TESK2: variants seen among roughly 807,000 people sequenced by gnomAD.
TESK2 encodes testis associated actin remodelling kinase 2.
In TESK2, 39 loss-of-function variants were observed where a neutral mutation model predicts 57.1. The observed-to-expected ratio is 0.68, with a 90% CI of 0.53 to 0.89. The LOEUF (loss-of-function observed/expected upper bound fraction) is 0.89, where lower values mean the gene tolerates loss of function less well. Among genes scored for constraint, TESK2 ranks in the 40% least tolerant of loss-of-function variants. The pLI is 0.00. For synonymous variants in TESK2, 249 were observed against 267.9 expected, an observed-to-expected ratio of 0.93 and a Z score of 0.69; for missense variants, 646 against 732.1, an observed-to-expected ratio of 0.88 and a Z score of 1.36.
At chr1:45,411,314 T>G (rs1295928677) in intron 3 of TESK2, among the ~76,000 whole-genome samples, 2 of 152,060 alleles carry the variant, frequency 1.3e-5, no homozygotes, top group East Asian at 3.9e-4. Flanking sequence ...GGAAGACAAT[T>G]TTTCCACAGA....
At chr1:45,435,562 ATTTTTTTTTTTTTT>A (rs750074178) in intron 2 of TESK2, among the ~76,000 whole-genome samples, 1 of 68,888 alleles carries the variant, frequency 1.5e-5, no homozygotes, top group Non-Finnish European at 2.7e-5. Flanking sequence ...CTGTGGTCTA[ATTTTTTTTTTTTTT>A]TTTTTTTTTT....
intron 3 of TESK2, among the ~76,000 whole-genome samples, chr1:45,391,390 T>A (rs894566069): frequency 2.0e-5 from 3 of 151,992 alleles, no homozygotes; most frequent in African/African-American, 4.8e-5. Flanking sequence ...GCAAATTTTT[T>A]AATTTTTTAA....
Position 45,345,870 on chromosome 1 carries a change from C to T in TESK2, c.997+7G>A, listed in dbSNP as rs1201709654. ...GTTAGGTTGGGCTCCCTGGTCTAAT[C>T]TCTTACCCCTGGCTGTGGGCTGCAG... On this transcript the variant is annotated splice_region_variant and intron_variant, in intron 10 of 10. Coordinates refer to ENST00000372086, the MANE Select transcript of TESK2 (RefSeq NM_007170.3). The T allele has an allele frequency of 6.2e-7, 1 of 1,612,022 alleles. No individual in the cohort carries two copies. Among genetic ancestry groups the T allele is most frequent in the African/African-American group, 1.3e-5 (1 of 74,974 alleles).
chr1:45,478,913 G>A (rs1270653205), intron 1 of TESK2, among the ~76,000 whole-genome samples: 2 of 151,818 alleles, frequency 1.3e-5, no homozygotes, highest in African/African-American at 2.4e-5. Flanking sequence ...TAGTAGAGAC[G>A]GGGTTTCACC....
In TESK2 at chr1:45,408,342, T is replaced by A. The variant is rs77695765; in HGVS notation, c.344+13383A>T. Among the ~76,000 whole-genome samples, 504 of 152,266 alleles carry A rather than the reference T, an allele frequency of 3.3e-3. 3 individuals carry two copies. The highest frequency in any genetic ancestry group is 0.017 in the East Asian group (90 of 5,180). On this transcript the variant is annotated intron_variant, in intron 3 of 10. Coordinates refer to ENST00000372086, the MANE Select transcript of TESK2 (RefSeq NM_007170.3). The stretch of plus-strand genomic sequence containing the variant: ...AGCTTTTTTGTATGGGATTTTTTTT[T>A]AAATTTTTTCCTCTGTGGAAATGTT...
chr1:45,348,061 G>GT (rs1415281111), intron 5 of TESK2, 61 bp from the exon 6 acceptor site: 13 of 1,139,184 alleles, frequency 1.1e-5, no homozygotes, highest in Non-Finnish European at 1.7e-5. Context: ...CAGCCATAGA[G>GT]TTACCACCCA....
intron 2 of TESK2, among the ~76,000 whole-genome samples, chr1:45,431,710 T>G (rs375850775): frequency 6.6e-6 from 1 of 152,150 alleles, no homozygotes; most frequent in Non-Finnish European, 1.5e-5. Context: ...CAGAGAAGGA[T>G]TCCCAGAGGA....
At chr1:45,431,369 G>C (rs1650946538) in intron 2 of TESK2, among the ~76,000 whole-genome samples, 1 of 152,012 alleles carries the variant, frequency 6.6e-6, no homozygotes, top group Non-Finnish European at 1.5e-5. Context: ...AGTGAGCCAA[G>C]ATTGTGCCAC....
chr1:45,347,232 C>T (rs922206716), intron 7 of TESK2, among the ~76,000 whole-genome samples, 170 bp from the exon 8 acceptor site: 3 of 152,184 alleles, frequency 2.0e-5, no homozygotes, highest in South Asian at 2.1e-4. Flanking sequence ...CACCACTGCT[C>T]TTGGTAGGAA....
chr1:45,384,373 A>G (rs573893056), intron 4 of TESK2, among the ~76,000 whole-genome samples: 266 of 135,106 alleles, frequency 2.0e-3, no homozygotes, highest in Non-Finnish European at 3.1e-3. Context: ...GTATCTATCT[A>G]TCTATCTATC....
intron 2 of TESK2, among the ~76,000 whole-genome samples, chr1:45,454,360 T>C (rs1305955373): frequency 1.3e-5 from 2 of 152,146 alleles, no homozygotes; most frequent in Non-Finnish European, 2.9e-5. Context: ...ACTTAACAGT[T>C]GTGTTAAGTA....
chr1:45,421,248 C>T (rs1248954773), intron 3 of TESK2, among the ~76,000 whole-genome samples: 1 of 151,784 alleles, frequency 6.6e-6, no homozygotes, highest in Non-Finnish European at 1.5e-5. Context: ...AGAGTGAGAC[C>T]CTATCTCAAA....
intron 3 of TESK2, among the ~76,000 whole-genome samples, chr1:45,419,865 C>G (rs1017990582): frequency 1.4e-4 from 21 of 152,148 alleles, no homozygotes; most frequent in African/African-American, 4.8e-4. Flanking sequence ...AATAAAAATA[C>G]TGGCTGAATA....
At position 45,344,733 on chromosome 1, in the gene TESK2, C is replaced by T. The variant is rs964226333; in HGVS notation, c.*107G>A. 23 of 1,137,300 alleles carry T rather than the reference C, an allele frequency of 2.0e-5. 1 individual carries two copies. In the Middle Eastern group the frequency reaches 9.2e-4, roughly 46 times the overall value. 70.5% of individuals were successfully genotyped at this position (1,137,300 alleles called of 1,614,324 possible). On this transcript the variant is annotated 3_prime_UTR_variant, in exon 11 of 11. Coordinates refer to ENST00000372086, the MANE Select transcript of TESK2 (RefSeq NM_007170.3). ...AGAAGTTGAGCCTGGCTTGGCCTAG[C>T]CTGCCTGCTCTGTAGGCTCCAGGGA...
At chr1:45,459,716 G>A (rs567366697) in intron 1 of TESK2, among the ~76,000 whole-genome samples, 2 of 152,264 alleles carry the variant, frequency 1.3e-5, no homozygotes, top group East Asian at 1.9e-4. Flanking sequence ...GATGGTACAC[G>A]CCTGTAGTCC....
intron 4 of TESK2, among the ~76,000 whole-genome samples, chr1:45,360,112 T>C (rs1435122213): frequency 6.6e-6 from 1 of 152,052 alleles, no homozygotes; most frequent in African/African-American, 2.4e-5. Context: ...TAATCCATCT[T>C]TGAAAATCTT....
intron 3 of TESK2, among the ~76,000 whole-genome samples, chr1:45,388,894 G>A (rs765874815): frequency 1.6e-4 from 25 of 151,894 alleles, no homozygotes; most frequent in Non-Finnish European, 2.8e-4. Flanking sequence ...CTAATTTTTT[G>A]TATGTTTAGT....
intron 3 of TESK2, 109 bp from the exon 4 acceptor site, chr1:45,386,069 G>C: frequency 1.4e-6 from 1 of 701,868 alleles, no homozygotes. Context: ...GTGGGGTGCG[G>C]CATGATGGCT....
intron 3 of TESK2, among the ~76,000 whole-genome samples, chr1:45,392,071 T>C (rs1010690090): frequency 2.6e-5 from 4 of 151,910 alleles, no homozygotes; most frequent in African/African-American, 9.7e-5. Context: ...CAGACTGGAA[T>C]ATAAGGTATT....
Sources: gnomAD v4.1 joint callset for allele counts (sites outside exome capture counted in the v4.1 genomes callset) on GRCh38, gnomAD v4.1.1 for gene constraint, MANE v1.5 for transcripts, NCBI Gene and HGNC (gene_info 2026-07-23, HGNC 2026-07-21) for gene names.